The following DOCK8 variants were observed in gnomAD, a reference collection of about 807,000 sequenced individuals.
DOCK8 encodes dedicator of cytokinesis 8.
In DOCK8, 141 loss-of-function variants were observed where a neutral mutation model predicts 245.6. That is an observed-to-expected ratio of 0.57 (90% CI 0.50 to 0.66). The LOEUF is 0.66. Ranked by LOEUF, DOCK8 falls within the 30% of genes least tolerant of loss-of-function variation. The pLI is 0.00. For missense variants in DOCK8, 2,965 were observed against 2,603.4 expected (o/e 1.14, Z -3.02); for synonymous variants, 1,168 against 970.2 (o/e 1.20, Z -3.79).
At chr9:300,543 T>C (rs2049491352) in intron 4 of DOCK8, among the ~76,000 whole-genome samples, 1 of 151,014 alleles carries the variant, frequency 6.6e-6, no homozygotes, top group Non-Finnish European at 1.5e-5. Context: ...AAAAGATCAA[T>C]GAAACCAAAA....
intron 4 of DOCK8, among the ~76,000 whole-genome samples, chr9:291,901 T>C (rs1158121556): frequency 1.3e-5 from 2 of 151,136 alleles, no homozygotes; most frequent in African/African-American, 4.9e-5. Context: ...ACCCCACCTC[T>C]AAAAAAATTT....
chr9:281,474 C>T (rs1221221726), intron 2 of DOCK8, among the ~76,000 whole-genome samples: 1 of 152,002 alleles, frequency 6.6e-6, no homozygotes, highest in African/African-American at 2.4e-5. Context: ...TTTGAGCTTC[C>T]AGGGACCCAA....
In DOCK8 at chr9:434,780, C is replaced by T. The variant is rs1400505317; in HGVS notation, c.4887-3C>T. The T allele has an allele frequency of 3.7e-6, 6 of 1,613,858 alleles. No homozygotes were observed. Among genetic ancestry groups the T allele is most frequent in the African/African-American group, 1.3e-5 (1 of 74,934 alleles). ...AACTACTTCTCACTCAATCTGTCTT[C>T]AGAATTGCCAAGAGTTACCAGGCAT... On this transcript the variant is annotated splice_polypyrimidine_tract_variant and splice_region_variant and intron_variant, in intron 38 of 47. Coordinates refer to ENST00000432829, the MANE Select transcript of DOCK8 (RefSeq NM_203447.4).
At chr9:342,933 C>A (rs981593003) in intron 14 of DOCK8, among the ~76,000 whole-genome samples, 1 of 152,124 alleles carries the variant, frequency 6.6e-6, no homozygotes, top group African/African-American at 2.4e-5. Context: ...GTGAAAGTTT[C>A]TTTAATATAT....
At chr9:390,751 C>CT (rs1241565566) in intron 24 of DOCK8, among the ~76,000 whole-genome samples, 185 bp downstream of exon 24, 3 of 152,288 alleles carry the variant, frequency 2.0e-5, no homozygotes, top group East Asian at 3.9e-4. Flanking sequence ...CCATGAAAAT[C>CT]TATCGCCGTC....
chr9:309,382 A>T (rs1466604031), intron 5 of DOCK8, among the ~76,000 whole-genome samples: 1 of 152,224 alleles, frequency 6.6e-6, no homozygotes, highest in South Asian at 2.1e-4. Context: ...TGTCACAAAA[A>T]ATGTGTAGTA....
chr9:443,607 C>G (rs2057159643), intron 43 of DOCK8, 91 bp downstream of exon 43: 2 of 1,019,636 alleles, frequency 2.0e-6, no homozygotes, highest in Admixed American at 2.0e-5. Flanking sequence ...TATCTGGACT[C>G]TCCAAGTCAC....
chr9:352,937 A>G (rs1208515264), intron 14 of DOCK8, among the ~76,000 whole-genome samples: 2 of 152,068 alleles, frequency 1.3e-5, no homozygotes, highest in African/African-American at 2.4e-5. Context: ...GGAGCAGGAT[A>G]TCTTCCCTTT....
chr9:409,071 A>C (rs909036453), intron 28 of DOCK8, among the ~76,000 whole-genome samples: 1 of 151,942 alleles, frequency 6.6e-6, no homozygotes, highest in East Asian at 1.9e-4. Flanking sequence ...GAAAAATGTC[A>C]TGCTTCAACA....
At chr9:359,737 G>A (rs1020925941) in intron 14 of DOCK8, among the ~76,000 whole-genome samples, 2 of 148,258 alleles carry the variant, frequency 1.3e-5, no homozygotes, top group Admixed American at 6.8e-5. Flanking sequence ...TTGAATGACA[G>A]CATCTTTGTT....
intron 28 of DOCK8, among the ~76,000 whole-genome samples, chr9:408,861 AACACAC>A (rs71314709): frequency 0.02 from 2,929 of 147,506 alleles, 90 homozygotes; most frequent in African/African-American, 0.071. Context: ...ACATTCTTCA[AACACAC>A]ACACACACAC....
chr9:405,464 C>T (rs2055370813), intron 27 of DOCK8, among the ~76,000 whole-genome samples: 1 of 152,106 alleles, frequency 6.6e-6, no homozygotes, highest in Non-Finnish European at 1.5e-5. Context: ...GCAGCAGGCC[C>T]TCTAAGAGGT....
At chr9:248,573 CTCTCTCTCTGTCTTTCTTTCTCTCTT>C (rs2047570184) in intron 1 of DOCK8, among the ~76,000 whole-genome samples, 2 of 110,176 alleles carry the variant, frequency 1.8e-5, no homozygotes, top group Admixed American at 1.1e-4. Flanking sequence ...TTCTTTCTTT[CTCTCTCTCTGTCTTTCTTTCTCTCTT>C]TCTTTCTTTC....
chr9:441,824 G>A (rs1239652463), intron 41 of DOCK8, 51 bp from the exon 42 acceptor site: 1 of 1,471,640 alleles, frequency 6.8e-7, no homozygotes, highest in African/African-American at 1.4e-5. Context: ...CAACTCAGTG[G>A]CTCCTCAGGA....
At chr9:302,916 C>T (rs1430164891) in intron 4 of DOCK8, among the ~76,000 whole-genome samples, 2 of 151,634 alleles carry the variant, frequency 1.3e-5, no homozygotes, top group Non-Finnish European at 2.9e-5. Flanking sequence ...TTATTTGAAG[C>T]CAGGAGGTTG....
chr9:449,499 T>C (rs1421750136), intron 44 of DOCK8, among the ~76,000 whole-genome samples: 3 of 152,228 alleles, frequency 2.0e-5, no homozygotes, highest in Non-Finnish European at 4.4e-5. Flanking sequence ...TGGCATTCTG[T>C]GGAACTTAAC....
At chr9:298,623 G>A (rs1296439046) in intron 4 of DOCK8, among the ~76,000 whole-genome samples, 1 of 84,884 alleles carries the variant, frequency 1.2e-5, no homozygotes, top group Non-Finnish European at 2.5e-5. Flanking sequence ...CTGTAAGTGT[G>A]TGTGTGTGTG....
At chr9:444,409 A>G (rs2057188225) in intron 43 of DOCK8, among the ~76,000 whole-genome samples, 1 of 151,778 alleles carries the variant, frequency 6.6e-6, no homozygotes. Flanking sequence ...AATTCACTAC[A>G]ATGACTCACA....
At chr9:433,766 C>A in intron 37 of DOCK8, 109 bp from the exon 38 acceptor site, 1 of 881,248 alleles carries the variant, frequency 1.1e-6, no homozygotes, top group Non-Finnish European at 1.9e-6. Context: ...GTCTCTGCTG[C>A]CCTCTGATCC....
Sources: allele counts gnomAD v4.1 joint callset (sites outside exome capture counted in the v4.1 genomes callset), GRCh38; gene constraint gnomAD v4.1.1; transcripts MANE v1.5; gene names NCBI Gene and HGNC (gene_info 2026-07-23, HGNC 2026-07-21).